CNGB3: variants seen among roughly 807,000 people sequenced by gnomAD.
CNGB3 encodes cyclic nucleotide gated channel subunit beta 3.
In CNGB3, 86 loss-of-function variants were observed where a neutral mutation model predicts 92.8. The observed-to-expected ratio is 0.93, with a 90% CI of 0.78 to 1.11. The LOEUF (loss-of-function observed/expected upper bound fraction) is 1.11, where lower values mean the gene tolerates loss of function less well. Ranked by LOEUF, CNGB3 falls within the 50% of genes least tolerant of loss-of-function variation. The pLI, the probability that CNGB3 is intolerant of heterozygous loss-of-function variation, is 0.00. For missense variants in CNGB3, 1,026 were observed against 956.8 expected, an observed-to-expected ratio of 1.07 and a Z score of -0.95; for synonymous variants, 333 against 332.7, an observed-to-expected ratio of 1.00 and a Z score of -0.01.
chr8:86,631,171 A>G (rs531584694), intron 11 of CNGB3, among the ~76,000 whole-genome samples: 1 of 152,276 alleles, frequency 6.6e-6, no homozygotes, highest in East Asian at 1.9e-4. Flanking sequence ...GCACTTTTCA[A>G]ACATTCGTGT....
chr8:86,703,266 T>C (rs1824588802), intron 3 of CNGB3, among the ~76,000 whole-genome samples: 1 of 152,164 alleles, frequency 6.6e-6, no homozygotes, highest in South Asian at 2.1e-4. Context: ...CGCTTTATTA[T>C]AGGGACTATT....
At chr8:86,677,765 A>G (rs1472452742) in intron 3 of CNGB3, among the ~76,000 whole-genome samples, 1 of 152,196 alleles carries the variant, frequency 6.6e-6, no homozygotes, top group Non-Finnish European at 1.5e-5. Context: ...GGGGCAAGTA[A>G]GAGTTCACTG....
At chr8:86,670,114 C>T (rs1378363540) in intron 4 of CNGB3, among the ~76,000 whole-genome samples, 1 of 152,142 alleles carries the variant, frequency 6.6e-6, no homozygotes, top group Non-Finnish European at 1.5e-5. Flanking sequence ...TCCCAAAGGG[C>T]TAGGATTACA....
At chr8:86,590,777 C>T (rs140345662) in intron 15 of CNGB3, among the ~76,000 whole-genome samples, 122,004 of 141,006 alleles carry the variant, frequency 0.87, 53,035 homozygotes, top group Non-Finnish European at 0.9. Context: ...TTAACATTTT[C>T]TCCTTCATTT....
chr8:86,651,507 C>T (rs937657776), intron 7 of CNGB3, among the ~76,000 whole-genome samples: 8 of 151,862 alleles, frequency 5.3e-5, no homozygotes, highest in African/African-American at 1.2e-4. Context: ...GTGTACAGAA[C>T]GTAATTAAAA....
At position 86,737,634 on chromosome 8, in the gene CNGB3, T is replaced by C. The variant is rs1825270502; in HGVS notation, c.211+2021A>G. Among the ~76,000 whole-genome samples, 4 of 151,986 alleles carry C rather than the reference T, an allele frequency of 2.6e-5. No homozygotes were observed. In the South Asian group the frequency reaches 8.3e-4, roughly 31 times the overall value. ...CAGGAGTACATGTGCAGGTTTATTA[T>C]ATGGGTAAATTTTGTGTCACGGGGG... is the stretch of plus-strand genomic sequence containing the variant. On this transcript the variant is annotated intron_variant, in intron 2 of 17. Transcript: ENST00000320005.
At chr8:86,656,365 T>C (rs1823505680) in intron 6 of CNGB3, among the ~76,000 whole-genome samples, 1 of 152,220 alleles carries the variant, frequency 6.6e-6, no homozygotes, top group Non-Finnish European at 1.5e-5. Context: ...TGTCTATGAT[T>C]CTATGATTGA....
chr8:86,711,897 T>G (rs1824758902), intron 3 of CNGB3, among the ~76,000 whole-genome samples: 1 of 149,398 alleles, frequency 6.7e-6, no homozygotes, highest in Admixed American at 6.6e-5. Context: ...AATAAATACT[T>G]ATATATGTAC....
At chr8:86,693,796 A>C (rs1824369420) in intron 3 of CNGB3, among the ~76,000 whole-genome samples, 1 of 151,008 alleles carries the variant, frequency 6.6e-6, no homozygotes, top group Non-Finnish European at 1.5e-5. Flanking sequence ...CCAAGGCAGA[A>C]GAATTTTTCT....
intron 3 of CNGB3, among the ~76,000 whole-genome samples, chr8:86,720,142 T>C (rs1371828403): frequency 6.6e-6 from 1 of 152,000 alleles, no homozygotes; most frequent in Non-Finnish European, 1.5e-5. Context: ...CAAAGATACA[T>C]AGATGGGATT....
intron 13 of CNGB3, among the ~76,000 whole-genome samples, chr8:86,614,340 AG>A (rs2131569241): frequency 6.6e-6 from 1 of 152,252 alleles, no homozygotes; most frequent in Admixed American, 6.5e-5. Flanking sequence ...AGTCACAGCA[AG>A]GCCCCATGGA....
rs2131597401 is a variant in CNGB3, at chr8:86,647,858, A to G, written c.933T>C (p.Asp311=). ...QLDVASIIPF[D]ICYLFFGFNP... The stretch of plus-strand genomic sequence containing the variant: ...TAAACCCAAAGAAGAGGTAGCAAAT[A>G]TCAAATGGTATTATTGATGCGACAT... Residue 311 remains aspartate (D), a synonymous_variant, in exon 8 of 18, where the codon GAT becomes GAC. Transcript: ENST00000320005. 1 of 1,598,632 alleles carries G rather than the reference A, an allele frequency of 6.3e-7. No individual in the cohort carries two copies. Among genetic ancestry groups the G allele is most frequent in the Non-Finnish European group, 8.6e-7 (1 of 1,166,776 alleles).
chr8:86,594,797 C>T (rs1822133393), intron 15 of CNGB3, among the ~76,000 whole-genome samples: 1 of 152,216 alleles, frequency 6.6e-6, no homozygotes. Flanking sequence ...CAACCTCCGA[C>T]TCCCTGGTTT....
intron 6 of CNGB3, among the ~76,000 whole-genome samples, chr8:86,655,037 C>G (rs925622951): frequency 6.6e-6 from 1 of 152,156 alleles, no homozygotes; most frequent in African/African-American, 2.4e-5. Context: ...CTTCATTCTC[C>G]TTGAGCCAAA....
rs1554604849 is a variant in CNGB3 at position 86,579,251 on chromosome 8, G to A, written c.1783C>T (p.Leu595Phe). 5 of 1,613,874 alleles carry A rather than the reference G, an allele frequency of 3.1e-6. No individual in the cohort carries two copies. The highest frequency in any genetic ancestry group is 4.2e-6 in the Non-Finnish European group (5 of 1,179,936). The change falls in exon 16 of 18, where the codon CTT (leucine) becomes TTT (phenylalanine). Residue 595 changes from leucine (L) to phenylalanine (F), a missense_variant and splice_region_variant. Physicochemically the swap from Leu to Phe is conservative, Grantham distance 22. Transcript: ENST00000320005. ...CGGTTTCCTCCTCCTGCTGCTAGAA[G>A]GCTGTAAGAGAGAAAAATGAGTCTT... ...KAGSVFGEIS[L>F]LAAGGGNRRT...
At chr8:86,720,362 A>G (rs983389206) in intron 3 of CNGB3, among the ~76,000 whole-genome samples, 4 of 152,236 alleles carry the variant, frequency 2.6e-5, no homozygotes, top group Non-Finnish European at 5.9e-5. Flanking sequence ...AATTCTCAAA[A>G]GAAGATATAC....
chr8:86,608,324 A>G (rs1822450734), intron 14 of CNGB3, among the ~76,000 whole-genome samples: 1 of 152,246 alleles, frequency 6.6e-6, no homozygotes, highest in African/African-American at 2.4e-5. Context: ...ATGCCCAGAC[A>G]GGGCCACCAG....
At chr8:86,696,862 T>A (rs180785549) in intron 3 of CNGB3, among the ~76,000 whole-genome samples, 3 of 152,344 alleles carry the variant, frequency 2.0e-5, no homozygotes, top group Admixed American at 2.0e-4. Flanking sequence ...GTATGTCTTT[T>A]GGTTGGTGAG....
chr8:86,626,846 T>C (rs1358002532), intron 12 of CNGB3, among the ~76,000 whole-genome samples: 1 of 152,170 alleles, frequency 6.6e-6, no homozygotes, highest in Non-Finnish European at 1.5e-5. Context: ...CTTTTTTTTT[T>C]CTTTTTTTAA....
Sources: allele counts gnomAD v4.1 joint callset (sites outside exome capture counted in the v4.1 genomes callset), GRCh38; gene constraint gnomAD v4.1.1; transcripts MANE v1.5; gene names NCBI Gene and HGNC (gene_info 2026-07-23, HGNC 2026-07-21).